Variants in CADPS2 observed in about 807,000 individuals in gnomAD.
CADPS2 encodes calcium dependent secretion activator 2.
CADPS2 carries 93 observed loss-of-function variants against 172.5 expected under a neutral mutation model. The observed-to-expected ratio is 0.54, with a 90% CI of 0.46 to 0.64. The LOEUF (loss-of-function observed/expected upper bound fraction) is 0.64, where lower values mean the gene tolerates loss of function less well. Ranked by LOEUF, CADPS2 falls within the 30% of genes least tolerant of loss-of-function variation. The pLI, the probability that CADPS2 is intolerant of heterozygous loss-of-function variation, is 0.00. For missense variants in CADPS2, 1,420 were observed against 1,565.9 expected, an observed-to-expected ratio of 0.91 and a Z score of 1.57; for synonymous variants, 546 against 555.2, an observed-to-expected ratio of 0.98 and a Z score of 0.23.
intron 7 of CADPS2, 43 bp from the exon 8 acceptor site, chr7:122,554,732 G>C (rs2064807366): frequency 2.7e-6 from 4 of 1,468,484 alleles, no homozygotes; most frequent in Admixed American, 5.3e-5. Flanking sequence ...ATGATACGGA[G>C]TGTCTATGGG....
chr7:122,762,512 G>T (rs947266222), intron 1 of CADPS2, among the ~76,000 whole-genome samples: 10 of 152,064 alleles, frequency 6.6e-5, no homozygotes, highest in Non-Finnish European at 1.3e-4. Context: ...ACAGAGAAAA[G>T]ACTTCAAAAA....
At chr7:122,883,757 A>G (rs1823563761) in intron 1 of CADPS2, among the ~76,000 whole-genome samples, 1 of 152,244 alleles carries the variant, frequency 6.6e-6, no homozygotes, top group Admixed American at 6.5e-5. Context: ...TCTTAATAAA[A>G]AATAAAAGTA....
intron 28 of CADPS2, among the ~76,000 whole-genome samples, chr7:122,341,488 G>T (rs1282035766): frequency 2.0e-5 from 3 of 152,152 alleles, no homozygotes; most frequent in Non-Finnish European, 2.9e-5. Context: ...TACACAGATG[G>T]CATAACTTTT....
chr7:122,541,724 C>CAT (rs1491363241), intron 8 of CADPS2, among the ~76,000 whole-genome samples: 15 of 140,686 alleles, frequency 1.1e-4, no homozygotes, highest in Admixed American at 7.9e-4. Flanking sequence ...TACATATATT[C>CAT]ATATATATTT....
At chr7:122,543,319 CA>C (rs2063293045) in intron 8 of CADPS2, among the ~76,000 whole-genome samples, 1 of 152,230 alleles carries the variant, frequency 6.6e-6, no homozygotes, top group African/African-American at 2.4e-5. Flanking sequence ...ATTTGGTTAA[CA>C]GCTGTTCCAT....
intron 1 of CADPS2, among the ~76,000 whole-genome samples, chr7:122,807,427 A>G (rs1799025349): frequency 6.6e-6 from 1 of 152,146 alleles, no homozygotes; most frequent in South Asian, 2.1e-4. Context: ...GCTCCACTGG[A>G]AAGTATGGAC....
chr7:122,437,013 A>C (rs960001043), intron 17 of CADPS2, among the ~76,000 whole-genome samples: 4 of 152,062 alleles, frequency 2.6e-5, no homozygotes, highest in Non-Finnish European at 5.9e-5. Flanking sequence ...CAAGTTCCCC[A>C]CAACTTTTAT....
At position 122,508,449 on chromosome 7, in the gene CADPS2, G is replaced by GTTTTTTTTTTTTTTTTTTTTTTTTT. The variant is rs1205155217; in HGVS notation, c.1542+4775_1542+4799dup. Among the ~76,000 whole-genome samples the GTTTTTTTTTTTTTTTTTTTTTTTTT allele has an allele frequency of 7.3e-5, 5 of 68,418 alleles. 1 individual carries two copies. Among genetic ancestry groups the GTTTTTTTTTTTTTTTTTTTTTTTTT allele is most frequent in the Admixed American group, 1.6e-4 (1 of 6,134 alleles). The allele number at this position is 68,418 out of a possible 152,430, so 44.9% of individuals were successfully genotyped here. ...TCCAGTTATTTATTTATTCATTTAA[G>GTTTTTTTTTTTTTTTTTTTTTTTTT]TTTTTTTTTTTTTTTTTTTTTTTTT... On this transcript the variant is annotated intron_variant, in intron 9 of 29. Coordinates refer to ENST00000449022, the MANE Select transcript of CADPS2 (RefSeq NM_017954.11).
chr7:122,594,947 G>A (rs1322662323), intron 6 of CADPS2, among the ~76,000 whole-genome samples: 2 of 151,838 alleles, frequency 1.3e-5, no homozygotes, highest in Non-Finnish European at 2.9e-5. Flanking sequence ...CATAAAACAT[G>A]CACAAATCCC....
intron 3 of CADPS2, among the ~76,000 whole-genome samples, chr7:122,647,403 A>G (rs1299301976): frequency 6.6e-6 from 1 of 152,214 alleles, no homozygotes; most frequent in African/African-American, 2.4e-5. Flanking sequence ...TGTTCATCAT[A>G]TATCAGAATC....
chr7:122,717,964 C>T (rs527489128), intron 2 of CADPS2, among the ~76,000 whole-genome samples: 1 of 144,700 alleles, frequency 6.9e-6, no homozygotes, highest in Non-Finnish European at 1.5e-5. Context: ...GTGCATTCCA[C>T]CACACTCGGC....
At position 122,658,305 on chromosome 7, in the gene CADPS2, G is replaced by C. The variant is rs111746477; in HGVS notation, c.786+4932C>G. Among the ~76,000 whole-genome samples the C allele has an allele frequency of 5.4e-3, 830 of 152,296 alleles. 3 individuals are homozygous for C. Among genetic ancestry groups the C allele is most frequent in the African/African-American group, 0.019 (795 of 41,566 alleles). On this transcript the variant is annotated intron_variant, in intron 3 of 29. Transcript: ENST00000449022. ...ACACTGTTGGTGGGACTGTAAACTA[G>C]TTCAACCACTGTGAAAGACAGTGTG...
chr7:122,524,216 G>T (rs1263697473), intron 8 of CADPS2, among the ~76,000 whole-genome samples: 1 of 152,068 alleles, frequency 6.6e-6, no homozygotes, highest in Non-Finnish European at 1.5e-5. Flanking sequence ...CTCTTTTAGG[G>T]CACATTATTC....
chr7:122,594,346 G>A (rs1172604780), intron 6 of CADPS2, among the ~76,000 whole-genome samples: 2 of 148,164 alleles, frequency 1.3e-5, no homozygotes, highest in East Asian at 2.0e-4. Context: ...AAAAATATTG[G>A]GAAATGGGTT....
intron 20 of CADPS2, among the ~76,000 whole-genome samples, chr7:122,401,335 G>C (rs535704470): frequency 2.0e-5 from 3 of 152,186 alleles, no homozygotes; most frequent in South Asian, 2.1e-4. Context: ...AAGCAGCACC[G>C]TGGTATTTTT....
At chr7:122,325,135 TAATA>T (rs1277548829) in intron 29 of CADPS2, among the ~76,000 whole-genome samples, 4 of 152,148 alleles carry the variant, frequency 2.6e-5, no homozygotes, top group Non-Finnish European at 4.4e-5. Context: ...TATATGATCC[TAATA>T]AATATGAAGT....
At chr7:122,561,185 C>T (rs569107491) in intron 7 of CADPS2, among the ~76,000 whole-genome samples, 1 of 152,210 alleles carries the variant, frequency 6.6e-6, no homozygotes, top group East Asian at 1.9e-4. Flanking sequence ...ACCTTATTTT[C>T]CATGGGCTAA....
At chr7:122,681,093 C>G (rs1204863881) in intron 2 of CADPS2, among the ~76,000 whole-genome samples, 2 of 134,098 alleles carry the variant, frequency 1.5e-5, no homozygotes, top group African/African-American at 5.7e-5. Flanking sequence ...ACCACATGGA[C>G]ACAGGAAGGG....
At chr7:122,320,798 T>C (rs1177787151) in intron 29 of CADPS2, among the ~76,000 whole-genome samples, 2 of 152,166 alleles carry the variant, frequency 1.3e-5, no homozygotes, top group African/African-American at 4.8e-5. Context: ...AATCCTATTA[T>C]CGGTAAAAGA....
Sources: gnomAD v4.1 joint callset for allele counts (sites outside exome capture counted in the v4.1 genomes callset) on GRCh38, gnomAD v4.1.1 for gene constraint, MANE v1.5 for transcripts, NCBI Gene and HGNC (gene_info 2026-07-23, HGNC 2026-07-21) for gene names.